The following FAXC variants were observed in gnomAD, a reference collection of about 807,000 sequenced individuals.
FAXC encodes failed axon connections homolog.
Under a neutral mutation model 41.9 loss-of-function variants are expected in FAXC, and 10 were observed. The ratio of observed to expected loss-of-function variants is 0.24; its 90% CI spans 0.15 to 0.41. The LOEUF (loss-of-function observed/expected upper bound fraction) is 0.41, where lower values mean the gene tolerates loss of function less well. Among genes scored for constraint, FAXC ranks in the 10% least tolerant of loss-of-function variants. FAXC has a pLI of 1.00. For synonymous variants in FAXC, 183 were observed against 183.8 expected (o/e 1.00, Z 0.03); for missense variants, 399 against 510.9 (o/e 0.78, Z 2.11).
At chr6:99,303,312 C>T (rs1771785602) in intron 4 of FAXC, among the ~76,000 whole-genome samples, 1 of 152,134 alleles carries the variant, frequency 6.6e-6, no homozygotes, top group South Asian at 2.1e-4. Flanking sequence ...CAGCCCAGTG[C>T]CCAGTATACT....
At position 99,273,519 on chromosome 6, in the gene FAXC, A is replaced by C. The variant is rs1770488528; in HGVS notation, c.*7645T>G. The C allele has an allele frequency of 6.7e-6, 1 of 148,286 alleles. No individual in the cohort carries two copies. The highest frequency in any genetic ancestry group is 1.5e-5 in the Non-Finnish European group (1 of 67,412). 9.2% of individuals were successfully genotyped at this position (148,286 alleles called of 1,614,324 possible). ...CAGTGTGTTGTTAAATCTTTCTGGA[A>C]TTTTCAAGGCATTCTAGATCAAGTG... On this transcript the variant is annotated 3_prime_UTR_variant, in exon 6 of 6. Transcript: ENST00000389677.
At chr6:99,294,227 C>T (rs760869918) in intron 4 of FAXC, among the ~76,000 whole-genome samples, 2 of 152,168 alleles carry the variant, frequency 1.3e-5, no homozygotes, top group African/African-American at 2.4e-5. Flanking sequence ...AAGTACCAAC[C>T]GGACAGAAAT....
chr6:99,283,101 T>G (rs545575355), intron 5 of FAXC, among the ~76,000 whole-genome samples: 1 of 152,216 alleles, frequency 6.6e-6, no homozygotes, highest in Non-Finnish European at 1.5e-5. Context: ...TTTAGGTTGT[T>G]TCCATATTAA....
At chr6:99,309,854 A>G in intron 4 of FAXC, 2 of 958,852 alleles carry the variant, frequency 2.1e-6, no homozygotes, top group Non-Finnish European at 2.5e-6. Flanking sequence ...CAATCAATAC[A>G]GGTAAAGTTA....
At position 99,323,609 on chromosome 6, in the gene FAXC, G is replaced by C. The variant is rs763973838; in HGVS notation, c.658C>G (p.Leu220Val). The C allele has an allele frequency of 1.9e-6, 3 of 1,614,246 alleles. No individual in the cohort carries two copies. The highest frequency in any genetic ancestry group is 2.2e-5 in the East Asian group (1 of 44,894). ...NLNETRKMLSLSGGGPFSNLL... is the reference protein window; with the variant it reads ...NLNETRKMLSVSGGGPFSNLL... Reference sequence around the variant, plus strand: ...TTGCTGAAGGGACCACCACCACTAAGAGAGAGCATCTTCCGGGTCTCATTG... The same window carrying C: ...TTGCTGAAGGGACCACCACCACTAACAGAGAGCATCTTCCGGGTCTCATTG... Residue 220 changes from leucine (L) to valine (V), a missense_variant, in exon 4 of 6, where the codon CTT (leucine) becomes GTT (valine). Around this residue, in one of 3 missense-constraint regions of FAXC, gnomAD observed 239 missense variants for 352.7 expected, o/e 0.68. Transcript: ENST00000389677.
intron 4 of FAXC, among the ~76,000 whole-genome samples, chr6:99,313,527 T>C (rs1041242632): frequency 5.3e-5 from 8 of 152,312 alleles, no homozygotes; most frequent in African/African-American, 1.7e-4. Context: ...TTTTTTTATA[T>C]ACAGGAGGTT....
At chr6:99,290,653 G>T (rs903322352) in intron 5 of FAXC, among the ~76,000 whole-genome samples, 2 of 151,366 alleles carry the variant, frequency 1.3e-5, no homozygotes, top group Non-Finnish European at 2.9e-5. Flanking sequence ...AGTGAGCCAA[G>T]ATTGCACCAC....
At position 99,291,806 on chromosome 6, in the gene FAXC, T is replaced by C. The variant is rs772441958; in HGVS notation, c.838A>G (p.Ile280Val). ...AGAGTGGAAAGCTTGGGCCCCATGA[T>C]GTACTTCTTATCACCTGCAGTAAAT... Reference protein sequence around the residue: ...LAGLLGDKKYIMGPKLSTLDA... With the variant: ...LAGLLGDKKYVMGPKLSTLDA... Residue 280 changes from isoleucine (I) to valine (V), a missense_variant, in exon 5 of 6, where the codon ATC (isoleucine) becomes GTC (valine). Ile to Val is a conservative substitution (Grantham distance 29). This residue lies in a region of FAXC where 239 missense variants were observed against 352.7 expected (regional missense o/e 0.68). Transcript: ENST00000389677. The C allele has an allele frequency of 3.1e-6, 5 of 1,614,012 alleles. No homozygotes were observed. Among genetic ancestry groups the C allele is most frequent in the Non-Finnish European group, 4.2e-6 (5 of 1,179,878 alleles).
chr6:99,318,703 A>G (rs1241199015), intron 4 of FAXC, among the ~76,000 whole-genome samples: 3 of 152,236 alleles, frequency 2.0e-5, no homozygotes, highest in African/African-American at 7.2e-5. Context: ...AGTACTTTAC[A>G]GAAAGCATTT....
intron 3 of FAXC, among the ~76,000 whole-genome samples, chr6:99,326,386 G>C (rs1772804092): frequency 6.6e-6 from 1 of 152,176 alleles, no homozygotes; most frequent in Non-Finnish European, 1.5e-5. Context: ...TTATGGGTAA[G>C]GAGAAACTAG....
intron 4 of FAXC, among the ~76,000 whole-genome samples, chr6:99,310,969 T>C (rs1333089128): frequency 6.6e-6 from 1 of 152,192 alleles, no homozygotes; most frequent in Admixed American, 6.5e-5. Context: ...GAGCAGGTAT[T>C]AAAACAGCCT....
chr6:99,309,666 AAG>A (rs763270092), intron 4 of FAXC, among the ~76,000 whole-genome samples: 2 of 152,202 alleles, frequency 1.3e-5, no homozygotes, highest in East Asian at 3.9e-4. Context: ...GAGTGAAAAG[AAG>A]AGTTAATGCT....
intron 5 of FAXC, among the ~76,000 whole-genome samples, chr6:99,290,865 G>A (rs915054230): frequency 2.0e-5 from 3 of 150,566 alleles, no homozygotes; most frequent in African/African-American, 7.3e-5. Flanking sequence ...AGGCTGGAGT[G>A]CAGTGGCACA....
intron 1 of FAXC, among the ~76,000 whole-genome samples, chr6:99,344,841 T>C (rs1330071095): frequency 2.0e-5 from 3 of 152,068 alleles, no homozygotes; most frequent in Non-Finnish European, 4.4e-5. Context: ...AAACAAAAAA[T>C]CCCTGCTCCA....
At chr6:99,318,819 G>T (rs1462450992) in intron 4 of FAXC, among the ~76,000 whole-genome samples, 1 of 152,172 alleles carries the variant, frequency 6.6e-6, no homozygotes, top group African/African-American at 2.4e-5. Context: ...AAGCGGTGAT[G>T]CCCCAGATGT....
At chr6:99,344,723 T>C (rs571206823) in intron 1 of FAXC, among the ~76,000 whole-genome samples, 69 of 152,352 alleles carry the variant, frequency 4.5e-4, no homozygotes, top group African/African-American at 1.5e-3. Context: ...GCACAAACTA[T>C]AGATCTGACA....
At chr6:99,338,077 A>G (rs1374505812) in intron 2 of FAXC, among the ~76,000 whole-genome samples, 1 of 152,196 alleles carries the variant, frequency 6.6e-6, no homozygotes, top group Non-Finnish European at 1.5e-5. Flanking sequence ...GGGAATGGGA[A>G]TCAAGGTACC....
intron 3 of FAXC, among the ~76,000 whole-genome samples, chr6:99,332,770 TC>T (rs1455629025): frequency 2.0e-5 from 3 of 152,228 alleles, no homozygotes; most frequent in African/African-American, 7.2e-5. Context: ...GACTTAGTCT[TC>T]CATTCCCTCC....
At chr6:99,344,472 T>A (rs1210667451) in intron 1 of FAXC, among the ~76,000 whole-genome samples, 2 of 152,240 alleles carry the variant, frequency 1.3e-5, no homozygotes, top group African/African-American at 4.8e-5. Flanking sequence ...CTTCATCACA[T>A]GGATGCCCAC....
Sources: gnomAD v4.1 joint callset for allele counts (sites outside exome capture counted in the v4.1 genomes callset) on GRCh38, gnomAD v4.1.1 for gene constraint, gnomAD v4.1.1 regional missense constraint, MANE v1.5 for transcripts, NCBI Gene and HGNC (gene_info 2026-07-23, HGNC 2026-07-21) for gene names.